The following ZNF438 variants were observed in gnomAD, a reference collection of about 807,000 sequenced individuals.
ZNF438 encodes zinc finger protein 438.
Under a neutral mutation model 38.0 loss-of-function variants are expected in ZNF438, and 25 were observed. The observed-to-expected ratio is 0.66, with a 90% confidence interval of 0.48 to 0.92. The LOEUF (loss-of-function observed/expected upper bound fraction) is 0.92. Ranked by LOEUF, ZNF438 falls within the 40% of genes least tolerant of loss-of-function variation. ZNF438 has a pLI of 0.00. For missense variants in ZNF438, 1,007 were observed against 999.6 expected (o/e 1.01, Z -0.10); for synonymous variants, 372 against 364.1 (o/e 1.02, Z -0.25).
chr10:30,890,392 G>A (rs1208286887), intron 3 of ZNF438, among the ~76,000 whole-genome samples: 1 of 152,090 alleles, frequency 6.6e-6, no homozygotes, highest in Admixed American at 6.5e-5. Flanking sequence ...AACTACAATT[G>A]CAAATTTATA....
intron 1 of ZNF438, among the ~76,000 whole-genome samples, chr10:30,985,407 C>T (rs552610914): frequency 2.0e-5 from 3 of 152,288 alleles, no homozygotes; most frequent in Admixed American, 6.5e-5. Flanking sequence ...GATTCTAAAG[C>T]GTCTCTTTTA....
chr10:30,878,508 G>A (rs896037540), intron 3 of ZNF438, among the ~76,000 whole-genome samples: 7 of 152,064 alleles, frequency 4.6e-5, no homozygotes, highest in Non-Finnish European at 1.0e-4. Flanking sequence ...TCCTTCAAGT[G>A]TCAGCATGAC....
chr10:30,921,143 T>A (rs1466807208), intron 2 of ZNF438: 1 of 152,182 alleles, frequency 6.6e-6, no homozygotes, highest in Non-Finnish European at 1.5e-5. Context: ...TGAACTAACC[T>A]TTGGAGATGG....
exon 6 of ZNF438, chr10:30,844,716 G>C: frequency 2.4e-6 from 1 of 416,670 alleles, no homozygotes. Flanking sequence ...TATTTATTCT[G>C]AAAGTCTAAG....
chr10:30,935,437 A>G (rs1460744140), intron 2 of ZNF438, among the ~76,000 whole-genome samples: 1 of 152,092 alleles, frequency 6.6e-6, no homozygotes, highest in Non-Finnish European at 1.5e-5. Flanking sequence ...ATCACATAGC[A>G]AGAGAGGAAG....
At chr10:30,875,344 G>C (rs2038247585) in intron 4 of ZNF438, 1 of 985,402 alleles carries the variant, frequency 1.0e-6, no homozygotes, top group Non-Finnish European at 1.2e-6. Flanking sequence ...TTTAGAGCCT[G>C]AAAGGAACAC....
chr10:30,852,544 T>C (rs1326741135), intron 4 of ZNF438, among the ~76,000 whole-genome samples: 1 of 152,204 alleles, frequency 6.6e-6, no homozygotes, highest in Admixed American at 6.5e-5. Flanking sequence ...GTGAGTGAAT[T>C]AACAATTTTA....
At chr10:31,011,239 C>CGT (rs1192834480) in intron 1 of ZNF438, among the ~76,000 whole-genome samples, 2 of 152,210 alleles carry the variant, frequency 1.3e-5, no homozygotes, top group Non-Finnish European at 2.9e-5. Flanking sequence ...CTTTTCCACA[C>CGT]TGTGAGCTGG....
At chr10:30,968,791 A>G (rs931207728) in intron 1 of ZNF438, among the ~76,000 whole-genome samples, 2 of 152,106 alleles carry the variant, frequency 1.3e-5, no homozygotes, top group Non-Finnish European at 2.9e-5. Context: ...GCATGGTAAA[A>G]TATTTCTAGC....
chr10:30,902,433 T>C (rs369103083), intron 3 of ZNF438, among the ~76,000 whole-genome samples: 48 of 152,170 alleles, frequency 3.2e-4, no homozygotes, highest in African/African-American at 7.2e-4. Context: ...AGAGTGCCAA[T>C]TGGTGCATTC....
chr10:30,869,955 G>C (rs910462575), intron 4 of ZNF438, among the ~76,000 whole-genome samples: 2 of 152,204 alleles, frequency 1.3e-5, no homozygotes, highest in African/African-American at 4.8e-5. Context: ...CAATGTGAGG[G>C]CTGGAGAGTC....
intron 1 of ZNF438, among the ~76,000 whole-genome samples, chr10:30,955,664 G>A (rs56115262): frequency 0.054 from 8,221 of 152,142 alleles, 701 homozygotes; most frequent in African/African-American, 0.18. Flanking sequence ...CTCAGTCAAC[G>A]AAACATGCAA....
At chr10:30,845,195 G>C in exon 6 of ZNF438, 2 of 1,614,196 alleles carry the variant, frequency 1.2e-6, no homozygotes, top group Non-Finnish European at 1.7e-6. Flanking sequence ...CCCTTGGCTT[G>C]TTGGTTCCTG....
At chr10:30,883,659 C>T (rs1467377313) in intron 3 of ZNF438, among the ~76,000 whole-genome samples, 2 of 152,032 alleles carry the variant, frequency 1.3e-5, no homozygotes, top group East Asian at 3.8e-4. Flanking sequence ...TCGCCTAAGC[C>T]CAGAGTTTGA....
chr10:31,030,180 C>A (rs1300112870), intron 1 of ZNF438, among the ~76,000 whole-genome samples: 3 of 152,108 alleles, frequency 2.0e-5, no homozygotes, highest in Non-Finnish European at 4.4e-5. Context: ...AGGCTCTTTC[C>A]CTCACACTTC....
At chr10:31,018,990 T>C (rs1347988539) in intron 1 of ZNF438, among the ~76,000 whole-genome samples, 1 of 152,200 alleles carries the variant, frequency 6.6e-6, no homozygotes, top group Admixed American at 6.5e-5. Flanking sequence ...TCATACTTAT[T>C]GGCAGGAGGA....
intron 4 of ZNF438, among the ~76,000 whole-genome samples, chr10:30,858,895 T>C (rs1016461782): frequency 6.6e-6 from 1 of 152,214 alleles, no homozygotes; most frequent in South Asian, 2.1e-4. Flanking sequence ...TGTCAAACAG[T>C]GCATCCATCA....
intron 2 of ZNF438, among the ~76,000 whole-genome samples, chr10:30,932,880 A>G (rs143565686): frequency 6.6e-6 from 1 of 152,210 alleles, no homozygotes; most frequent in Non-Finnish European, 1.5e-5. Context: ...GAAGACACTC[A>G]TAAGATGGAA....
intron 4 of ZNF438, among the ~76,000 whole-genome samples, chr10:30,866,812 C>T (rs1044231188): frequency 1.5e-4 from 22 of 145,354 alleles, no homozygotes; most frequent in African/African-American, 4.9e-4. Flanking sequence ...CCAGCCTGAG[C>T]GACAGAGCGA....
Sources: gnomAD v4.1 joint callset for allele counts (sites outside exome capture counted in the v4.1 genomes callset) on GRCh38, gnomAD v4.1.1 for gene constraint, MANE v1.5 for transcripts, NCBI Gene and HGNC (gene_info 2026-07-23, HGNC 2026-07-21) for gene names.